The following EFCAB6 variants were observed in gnomAD, a reference collection of about 807,000 sequenced individuals.
EFCAB6 encodes the protein EF-hand calcium binding domain 6.
A neutral mutation model predicts 169.8 loss-of-function variants in EFCAB6; 156 were observed. The observed-to-expected ratio is 0.92, with a 90% confidence interval of 0.81 to 1.05. The LOEUF (loss-of-function observed/expected upper bound fraction) is 1.05. EFCAB6 is among the 50% of genes least tolerant of loss of function. The pLI, the probability that EFCAB6 is intolerant of heterozygous loss-of-function variation, is 0.00. For missense variants in EFCAB6, 1,800 were observed against 1,829.1 expected (o/e 0.98, Z 0.29); for synonymous variants, 698 against 676.4 (o/e 1.03, Z -0.50).
At chr22:43,591,104 GTTTTTTGTTTTTTTTTTTTGTTTT>G (rs1159154562) in intron 23 of EFCAB6, among the ~76,000 whole-genome samples, 7 of 104,382 alleles carry the variant, frequency 6.7e-5, no homozygotes, top group Admixed American at 2.4e-4. Context: ...GTTGTTTTTT[GTTTTTTGTTTTTTTTTTTTGTTTT>G]TTTTTTGTTT....
intron 26 of EFCAB6, among the ~76,000 whole-genome samples, chr22:43,559,535 T>A (rs982009246): frequency 6.6e-6 from 1 of 152,232 alleles, no homozygotes; most frequent in African/African-American, 2.4e-5. Flanking sequence ...GGATTATAAA[T>A]GATTCTACTA....
At chr22:43,721,076 T>C (rs931270565) in intron 8 of EFCAB6, among the ~76,000 whole-genome samples, 1 of 152,074 alleles carries the variant, frequency 6.6e-6, no homozygotes, top group Non-Finnish European at 1.5e-5. Context: ...TTTCTATACA[T>C]CAATAATGTC....
At chr22:43,620,387 G>C (rs2054037403) in intron 20 of EFCAB6, among the ~76,000 whole-genome samples, 1 of 152,032 alleles carries the variant, frequency 6.6e-6, no homozygotes, top group Non-Finnish European at 1.5e-5. Flanking sequence ...TGAGAAAACG[G>C]AATACTTGCA....
At chr22:43,709,499 C>A (rs1375634188) in intron 10 of EFCAB6, among the ~76,000 whole-genome samples, 1 of 151,922 alleles carries the variant, frequency 6.6e-6, no homozygotes, top group African/African-American at 2.4e-5. Context: ...ACTATGAAGC[C>A]AACATGAAAA....
chr22:43,662,066 T>C (rs1277816152), intron 17 of EFCAB6, among the ~76,000 whole-genome samples: 6 of 151,592 alleles, frequency 4.0e-5, no homozygotes, highest in African/African-American at 1.2e-4. Flanking sequence ...GAAGCTGAGA[T>C]AGAATTGCTT....
At chr22:43,802,161 C>T (rs2062744562) in intron 2 of EFCAB6, among the ~76,000 whole-genome samples, 1 of 152,110 alleles carries the variant, frequency 6.6e-6, no homozygotes, top group African/African-American at 2.4e-5. Flanking sequence ...AGGCTGTGTG[C>T]TGCTACATCC....
intron 25 of EFCAB6, among the ~76,000 whole-genome samples, chr22:43,577,765 G>A (rs775462823): frequency 6.6e-6 from 1 of 151,972 alleles, no homozygotes; most frequent in African/African-American, 2.4e-5. Context: ...GCAAAGCTCA[G>A]CTGGCTGGGC....
At chr22:43,751,912 T>C (rs1314409922) in intron 6 of EFCAB6, among the ~76,000 whole-genome samples, 1 of 152,158 alleles carries the variant, frequency 6.6e-6, no homozygotes, top group East Asian at 1.9e-4. Flanking sequence ...TTAAATGCCT[T>C]AATGCGATAA....
intron 27 of EFCAB6, among the ~76,000 whole-genome samples, chr22:43,547,991 G>A (rs1044002183): frequency 1.3e-5 from 2 of 152,068 alleles, no homozygotes; most frequent in Non-Finnish European, 2.9e-5. Context: ...AGCTACTTGG[G>A]AGGCTGAGGC....
At chr22:43,624,338 T>C (rs1432274756) in intron 20 of EFCAB6, among the ~76,000 whole-genome samples, 1 of 152,130 alleles carries the variant, frequency 6.6e-6, no homozygotes, top group African/African-American at 2.4e-5. Context: ...CAGAAGGATC[T>C]TTCTAAAGCA....
chr22:43,651,191 G>A (rs1014695420), intron 17 of EFCAB6, among the ~76,000 whole-genome samples: 1 of 152,194 alleles, frequency 6.6e-6, no homozygotes, highest in Non-Finnish European at 1.5e-5. Flanking sequence ...AGGTCTAGGA[G>A]GAAAAAGCAG....
chr22:43,727,590 A>G (rs954555623), intron 8 of EFCAB6, among the ~76,000 whole-genome samples: 2 of 152,212 alleles, frequency 1.3e-5, no homozygotes, highest in Non-Finnish European at 2.9e-5. Flanking sequence ...GGTGTATGTA[A>G]AAGTACAATG....
chr22:43,687,144 C>T lies in EFCAB6; in HGVS notation c.1142+327G>A, dbSNP rs1036726917. ...ATATGCTTAGAGCTAGGGAGCAGTG[C>T]TTGCCGTGGCGGCCTGTGTGCCTGG... is the stretch of plus-strand genomic sequence containing the variant. On this transcript the variant is annotated intron_variant, in intron 11 of 31. Coordinates refer to ENST00000262726, the MANE Select transcript of EFCAB6 (RefSeq NM_022785.4). Among the ~76,000 whole-genome samples, 4 of 152,324 alleles carry T rather than the reference C, an allele frequency of 2.6e-5. No individual in the cohort carries two copies. In the South Asian group the frequency reaches 8.3e-4, roughly 32 times the overall value.
At position 43,558,946 on chromosome 22, in the gene EFCAB6, C is replaced by T. The variant is rs187715283; in HGVS notation, c.3421-3850G>A. 5.2e-3 allele frequency among the ~76,000 whole-genome samples: 791 copies of T among 152,192 alleles called. 4 individuals carry two copies. Among genetic ancestry groups the T allele is most frequent in the Middle Eastern group, 0.041 (12 of 294 alleles). Reference sequence around the variant, plus strand: ...GACATGCCTGTATGAAGAAATGCCACATACATGGGCAAAGACTCCATGACT... The same window carrying T: ...GACATGCCTGTATGAAGAAATGCCATATACATGGGCAAAGACTCCATGACT... On this transcript the variant is annotated intron_variant, in intron 26 of 31. Coordinates refer to ENST00000262726, the MANE Select transcript of EFCAB6 (RefSeq NM_022785.4).
At chr22:43,680,947 TTTTA>T (rs1349904845) in intron 12 of EFCAB6, among the ~76,000 whole-genome samples, 4 of 152,198 alleles carry the variant, frequency 2.6e-5, no homozygotes, top group African/African-American at 7.2e-5. Context: ...TCTTGATGCC[TTTTA>T]TTTCTTTTTC....
chr22:43,673,374 CAT>C (rs1239632905), intron 13 of EFCAB6, among the ~76,000 whole-genome samples: 3 of 152,032 alleles, frequency 2.0e-5, no homozygotes, highest in African/African-American at 7.2e-5. Context: ...GAAATAATTA[CAT>C]AGAGTAATAC....
At chr22:43,557,175 T>C (rs747139077) in intron 26 of EFCAB6, among the ~76,000 whole-genome samples, 7 of 152,172 alleles carry the variant, frequency 4.6e-5, no homozygotes, top group Non-Finnish European at 7.4e-5. Context: ...TGTGTGCCCC[T>C]CCAGTAAGTT....
At chr22:43,573,539 C>T (rs1048434794) in intron 26 of EFCAB6, among the ~76,000 whole-genome samples, 11 of 151,944 alleles carry the variant, frequency 7.2e-5, no homozygotes, top group African/African-American at 2.4e-4. Flanking sequence ...GAGACTAGCC[C>T]GACCAACATG....
chr22:43,784,622 C>CATAT (rs2061984946), intron 2 of EFCAB6, among the ~76,000 whole-genome samples: 1 of 68,316 alleles, frequency 1.5e-5, no homozygotes, highest in African/African-American at 6.0e-5. Flanking sequence ...TGTATATATA[C>CATAT]ACATATATAT....
Sources: gnomAD v4.1 joint callset for allele counts (sites outside exome capture counted in the v4.1 genomes callset) on GRCh38, gnomAD v4.1.1 for gene constraint, MANE v1.5 for transcripts, NCBI Gene and HGNC (gene_info 2026-07-23, HGNC 2026-07-21) for gene names.